The following RPS6KC1 variants were observed in gnomAD, a reference collection of about 807,000 sequenced individuals.
RPS6KC1 encodes the protein ribosomal protein S6 kinase C1.
Under a neutral mutation model 103.8 loss-of-function variants are expected in RPS6KC1, and 54 were observed. The ratio of observed to expected loss-of-function variants is 0.52; its 90% CI spans 0.42 to 0.65. The LOEUF is 0.65. RPS6KC1 is among the 30% of genes least tolerant of loss of function. The probability of loss-of-function intolerance (pLI) is 0.00; values close to 1 mark genes in which losing one functional copy is unlikely to be tolerated. For missense variants in RPS6KC1, 1,151 were observed against 1,253.8 expected, an observed-to-expected ratio of 0.92 and a Z score of 1.24; for synonymous variants, 439 against 438.7, an observed-to-expected ratio of 1.00 and a Z score of -0.01.
At chr1:213,155,656 C>T (rs932457869) in intron 6 of RPS6KC1, among the ~76,000 whole-genome samples, 3 of 152,110 alleles carry the variant, frequency 2.0e-5, no homozygotes, top group African/African-American at 7.2e-5. Context: ...GTCAGCAATT[C>T]GGGACTGCTT....
At chr1:213,571,176 G>T in the RPS6KC1 span, among the ~76,000 whole-genome samples, 4,217 of 152,210 alleles carry the variant, frequency 0.028, 195 homozygotes, top group African/African-American at 0.095. Context: ...GTCTCTATCT[G>T]TAAAATGGAG....
At chr1:213,539,213 G>C in the RPS6KC1 span, among the ~76,000 whole-genome samples, 1 of 152,236 alleles carries the variant, frequency 6.6e-6, no homozygotes, top group East Asian at 1.9e-4. Context: ...CCTGGAGATG[G>C]GCTACCCACC....
chr1:213,123,757 G>T (rs1328222099), intron 5 of RPS6KC1, among the ~76,000 whole-genome samples: 1 of 152,104 alleles, frequency 6.6e-6, no homozygotes, highest in Non-Finnish European at 1.5e-5. Flanking sequence ...AGGAAAAATA[G>T]AAATTCCTTT....
chr1:213,447,333 C>G, the RPS6KC1 span, among the ~76,000 whole-genome samples: 2 of 152,074 alleles, frequency 1.3e-5, no homozygotes, highest in Admixed American at 6.5e-5. Flanking sequence ...CTCCTCATAC[C>G]CCAGCCTCCC....
chr1:213,321,848 G>A, the RPS6KC1 span, among the ~76,000 whole-genome samples: 1 of 152,184 alleles, frequency 6.6e-6, no homozygotes, highest in Non-Finnish European at 1.5e-5. Flanking sequence ...AGACATGAAG[G>A]AGCTAAGGAA....
chr1:213,569,250 G>C, the RPS6KC1 span, among the ~76,000 whole-genome samples: 2 of 152,254 alleles, frequency 1.3e-5, no homozygotes, highest in South Asian at 4.1e-4. Flanking sequence ...GTGGGTCTTA[G>C]CTCTCCCTTA....
chr1:213,815,613 T>A, the RPS6KC1 span, among the ~76,000 whole-genome samples: 1 of 152,156 alleles, frequency 6.6e-6, no homozygotes, highest in East Asian at 1.9e-4. Context: ...ATAAAGCAAA[T>A]GTCATAATAA....
chr1:213,124,321 G>A (rs2084730980), intron 5 of RPS6KC1, among the ~76,000 whole-genome samples: 2 of 152,166 alleles, frequency 1.3e-5, no homozygotes, highest in Admixed American at 1.3e-4. Flanking sequence ...GTATGGGGTT[G>A]ACTTCAGGTT....
the RPS6KC1 span, among the ~76,000 whole-genome samples, chr1:213,405,174 A>G: frequency 7.2e-5 from 11 of 152,202 alleles, no homozygotes; most frequent in Non-Finnish European, 1.5e-4. Context: ...ATGTCTATCT[A>G]TCCTTTTAGT....
chr1:213,564,028 G>A, the RPS6KC1 span, among the ~76,000 whole-genome samples: 1 of 149,046 alleles, frequency 6.7e-6, no homozygotes, highest in African/African-American at 2.5e-5. Flanking sequence ...CTCTTTGAGG[G>A]AAAGTACCAT....
In RPS6KC1 at chr1:213,117,350, G is replaced by A. The variant is rs770105520; in HGVS notation, c.412G>A (p.Gly138Ser). 2 of 1,608,828 alleles carry A rather than the reference G, an allele frequency of 1.2e-6. No homozygotes were observed. The highest frequency in any genetic ancestry group is 3.3e-5 in the Admixed American group (2 of 59,836). ...AATTAATGATAGTTCTGAATTAATTGGTCCTGCTGAAGCTCACTCAGATTC... is the reference window on the plus strand; with the variant it reads ...AATTAATGATAGTTCTGAATTAATTAGTCCTGCTGAAGCTCACTCAGATTC... The part of the protein sequence containing the change: ...GIINDSSELI[G>S]PAEAHSDSLI... Residue 138 changes from glycine to serine, a missense_variant, in exon 5 of 15, where the codon GGT (glycine) becomes AGT (serine). Around this residue, in one of 3 missense-constraint regions of RPS6KC1, gnomAD observed 959 missense variants for 1,006.3 expected, o/e 0.95. Coordinates refer to ENST00000366960, the MANE Select transcript of RPS6KC1 (RefSeq NM_012424.6).
At chr1:213,558,948 A>G in the RPS6KC1 span, among the ~76,000 whole-genome samples, 2 of 152,216 alleles carry the variant, frequency 1.3e-5, no homozygotes, top group Admixed American at 6.5e-5. Context: ...GTAGTTCAAG[A>G]GGCTTCCTGA....
At chr1:213,370,239 T>TTTTA in the RPS6KC1 span, among the ~76,000 whole-genome samples, 6 of 148,974 alleles carry the variant, frequency 4.0e-5, no homozygotes, top group African/African-American at 7.6e-5. Flanking sequence ...TTCTCTGTTA[T>TTTTA]TTTATTTTAT....
chr1:213,445,652 C>A, the RPS6KC1 span, among the ~76,000 whole-genome samples: 1 of 152,142 alleles, frequency 6.6e-6, no homozygotes, highest in Non-Finnish European at 1.5e-5. Flanking sequence ...AACAGACTAG[C>A]CTGTGCTTTA....
chr1:213,803,686 G>C, the RPS6KC1 span, among the ~76,000 whole-genome samples: 10 of 152,194 alleles, frequency 6.6e-5, no homozygotes, highest in South Asian at 1.7e-3. Context: ...ACTCAGCATG[G>C]GTCATTGCTG....
chr1:213,570,746 C>T, the RPS6KC1 span, among the ~76,000 whole-genome samples: 1 of 152,138 alleles, frequency 6.6e-6, no homozygotes, highest in Non-Finnish European at 1.5e-5. Context: ...GAGAAATTAT[C>T]TAATGAATCT....
the RPS6KC1 span, among the ~76,000 whole-genome samples, chr1:213,357,672 A>G: frequency 1.3e-5 from 2 of 152,152 alleles, no homozygotes; most frequent in Admixed American, 6.5e-5. Context: ...AGGTGTGGAG[A>G]CCAAAGAAAG....
chr1:213,158,982 G>A (rs2090194773), intron 6 of RPS6KC1, among the ~76,000 whole-genome samples: 1 of 152,058 alleles, frequency 6.6e-6, no homozygotes, highest in South Asian at 2.1e-4. Context: ...TAATAATAAT[G>A]GTTATGATGA....
At chr1:213,363,703 C>CTTCT in the RPS6KC1 span, among the ~76,000 whole-genome samples, 327 of 17,358 alleles carry the variant, frequency 0.019, 65 homozygotes, top group African/African-American at 0.11. Flanking sequence ...TCTTTCTTTC[C>CTTCT]TTCTTTCTTT....
Sources: gnomAD v4.1 joint callset for allele counts (sites outside exome capture counted in the v4.1 genomes callset) on GRCh38, gnomAD v4.1.1 for gene constraint, gnomAD v4.1.1 regional missense constraint, MANE v1.5 for transcripts, NCBI Gene and HGNC (gene_info 2026-07-23, HGNC 2026-07-21) for gene names.